The following VWA3B variants were observed in gnomAD, a reference collection of about 807,000 sequenced individuals.
The protein encoded by VWA3B is von Willebrand factor A domain-containing protein 3B.
A neutral mutation model predicts 158.3 loss-of-function variants in VWA3B; 138 were observed. The ratio of observed to expected loss-of-function variants is 0.87; its 90% CI spans 0.76 to 1.00. The LOEUF (loss-of-function observed/expected upper bound fraction) is 1.00, where lower values mean the gene tolerates loss of function less well. Ranked by LOEUF, VWA3B falls within the 50% of genes least tolerant of loss-of-function variation. The probability of loss-of-function intolerance (pLI) is 0.00; values close to 1 mark genes in which losing one functional copy is unlikely to be tolerated. For missense variants in VWA3B, 1,555 were observed against 1,565.1 expected (o/e 0.99, Z 0.11); for synonymous variants, 596 against 587.3 (o/e 1.01, Z -0.21).
intron 23 of VWA3B, among the ~76,000 whole-genome samples, chr2:98,297,695 G>A (rs901859394): frequency 3.3e-5 from 5 of 152,186 alleles, no homozygotes; most frequent in South Asian, 2.1e-4. Context: ...TCATCTCAGC[G>A]GGTGCCCAGA....
intron 22 of VWA3B, among the ~76,000 whole-genome samples, chr2:98,285,931 T>C (rs1689141171): frequency 6.6e-6 from 1 of 152,140 alleles, no homozygotes; most frequent in Admixed American, 6.5e-5. Flanking sequence ...TCACTCTACT[T>C]ATTAGATCTT....
At chr2:98,121,207 G>T in intron 4 of VWA3B, 92 bp from the exon 5 acceptor site, 1 of 1,459,760 alleles carries the variant, frequency 6.9e-7, no homozygotes, top group Non-Finnish European at 9.4e-7. Flanking sequence ...GATGGATGTT[G>T]GCAGCTTGCT....
At chr2:98,176,199 C>T (rs2105323197) in intron 8 of VWA3B, among the ~76,000 whole-genome samples, 1 of 152,166 alleles carries the variant, frequency 6.6e-6, no homozygotes, top group South Asian at 2.1e-4. Context: ...TATGTTTCTC[C>T]CTCCTTTCCC....
chr2:98,120,596 A>G (rs1361255897), intron 4 of VWA3B, among the ~76,000 whole-genome samples: 1 of 152,244 alleles, frequency 6.6e-6, no homozygotes, highest in East Asian at 1.9e-4. Context: ...AGCAGACACG[A>G]GTGTGAGCCA....
chr2:98,290,034 A>G (rs1367776467), intron 22 of VWA3B, among the ~76,000 whole-genome samples: 1 of 152,200 alleles, frequency 6.6e-6, no homozygotes, highest in East Asian at 1.9e-4. Flanking sequence ...GTGATTCTCA[A>G]TAGAAAATTT....
intron 6 of VWA3B, among the ~76,000 whole-genome samples, chr2:98,128,917 C>G (rs1450746347): frequency 6.6e-6 from 1 of 152,258 alleles, no homozygotes; most frequent in Non-Finnish European, 1.5e-5. Context: ...ACCTACCTTT[C>G]CCCTCACTCC....
At chr2:98,201,928 T>G (rs1159792938) in intron 12 of VWA3B, among the ~76,000 whole-genome samples, 1 of 152,224 alleles carries the variant, frequency 6.6e-6, no homozygotes, top group Non-Finnish European at 1.5e-5. Context: ...TAACCTATCT[T>G]GTTGAGGTTT....
chr2:98,194,282 A>T (rs1574045291), intron 11 of VWA3B, 79 bp from the exon 12 acceptor site: 1 of 1,449,000 alleles, frequency 6.9e-7, no homozygotes, highest in East Asian at 2.3e-5. Flanking sequence ...CATGATTAAA[A>T]TATATCAAAC....
intron 9 of VWA3B, among the ~76,000 whole-genome samples, chr2:98,186,458 G>A (rs972773806): frequency 2.0e-5 from 3 of 151,916 alleles, no homozygotes; most frequent in South Asian, 4.2e-4. Context: ...TGTCTAATAG[G>A]CACCTTGAAC....
intron 14 of VWA3B, 119 bp from the exon 15 acceptor site, chr2:98,228,083 G>A (rs1293440959): frequency 4.3e-6 from 5 of 1,164,436 alleles, no homozygotes; most frequent in Admixed American, 2.7e-5. Context: ...GAGCCCAGGA[G>A]CTCAAGACCA....
At chr2:98,246,672 C>T (rs1686417386) in intron 19 of VWA3B, among the ~76,000 whole-genome samples, 1 of 151,868 alleles carries the variant, frequency 6.6e-6, no homozygotes, top group South Asian at 2.1e-4. Flanking sequence ...GTGAGCCACC[C>T]CACCCAGCCT....
chr2:98,099,035 A>G (rs948204428), intron 2 of VWA3B, among the ~76,000 whole-genome samples: 2 of 152,120 alleles, frequency 1.3e-5, no homozygotes, highest in African/African-American at 2.4e-5. Context: ...ATCTTTTTCC[A>G]TTGCACATCC....
intron 19 of VWA3B, among the ~76,000 whole-genome samples, chr2:98,246,683 A>G (rs542885244): frequency 6.6e-6 from 1 of 152,138 alleles, no homozygotes; most frequent in Non-Finnish European, 1.5e-5. Flanking sequence ...CACCCAGCCT[A>G]TTTTAATATT....
In VWA3B at chr2:98,131,057, C is replaced by T. The variant is rs562696697; in HGVS notation, c.872+2649C>T. Among the ~76,000 whole-genome samples the T allele has an allele frequency of 5.6e-4, 85 of 152,286 alleles. No individual in the cohort carries two copies. The South Asian group carries it at 0.013, about 23-fold the overall frequency. ...ATCTCACTGTATGAACCTACTCCTT[C>T]TATCTCACTGTACGTTTGTACCCAT... is the stretch of plus-strand genomic sequence containing the variant. On this transcript the variant is annotated intron_variant, in intron 6 of 27. Coordinates refer to ENST00000477737, the MANE Select transcript of VWA3B (RefSeq NM_144992.5).
At chr2:98,261,503 A>G (rs1687477337) in intron 21 of VWA3B, among the ~76,000 whole-genome samples, 1 of 151,748 alleles carries the variant, frequency 6.6e-6, no homozygotes, top group South Asian at 2.1e-4. Context: ...AGTACTATTT[A>G]TTTCTTCATA....
chr2:98,315,325 A>G (rs1302343337), downstream of VWA3B, among the ~76,000 whole-genome samples: 1 of 152,172 alleles, frequency 6.6e-6, no homozygotes, highest in African/African-American at 2.4e-5. Flanking sequence ...CACAATAATA[A>G]TAGTGATGAT....
intron 5 of VWA3B, among the ~76,000 whole-genome samples, 187 bp downstream of exon 5, chr2:98,121,645 C>G (rs939013833): frequency 2.0e-5 from 3 of 152,036 alleles, no homozygotes; most frequent in Non-Finnish European, 4.4e-5. Context: ...CCCTGAATAC[C>G]CGTCTCCTGA....
intron 2 of VWA3B, 78 bp from the exon 3 acceptor site, chr2:98,115,574 G>C: frequency 9.0e-7 from 1 of 1,108,098 alleles, no homozygotes; most frequent in Non-Finnish European, 1.4e-6. Flanking sequence ...TGGTGTCAGA[G>C]AAAAACATTT....
chr2:98,209,577 G>A (rs982227639), intron 12 of VWA3B, among the ~76,000 whole-genome samples: 1 of 152,136 alleles, frequency 6.6e-6, no homozygotes, highest in African/African-American at 2.4e-5. Context: ...ACCGCGCCCA[G>A]GCAAAATTTG....
Sources: allele counts gnomAD v4.1 joint callset (sites outside exome capture counted in the v4.1 genomes callset), GRCh38; gene constraint gnomAD v4.1.1; transcripts MANE v1.5; gene names NCBI Gene and HGNC (gene_info 2026-07-23, HGNC 2026-07-21).